The following PDXDC1 variants were observed in gnomAD, a reference collection of about 807,000 sequenced individuals.
The protein encoded by PDXDC1 is pyridoxal dependent decarboxylase domain containing 1, also known as pyridoxal-dependent decarboxylase domain-containing protein 1.
A neutral mutation model predicts 100.1 loss-of-function variants in PDXDC1; 42 were observed. The observed-to-expected ratio is 0.42, with a 90% CI of 0.33 to 0.54. The LOEUF (loss-of-function observed/expected upper bound fraction) is 0.54, where lower values mean the gene tolerates loss of function less well. Ranked by LOEUF, PDXDC1 falls within the 20% of genes least tolerant of loss-of-function variation. PDXDC1 has a pLI of 0.10. For synonymous variants in PDXDC1, 260 were observed against 371.7 expected (o/e 0.70, Z 3.46); for missense variants, 636 against 979.2 (o/e 0.65, Z 4.68).
At chr16:14,975,327 A>C in intron 1 of PDXDC1, 107 bp downstream of exon 1, 1 of 1,350,354 alleles carries the variant, frequency 7.4e-7, no homozygotes, top group Non-Finnish European at 9.4e-7. Context: ...GGACAGGGGG[A>C]CGCGGGCTGA....
chr16:15,049,841 G>A (rs780948592), intron 16 of PDXDC1, among the ~76,000 whole-genome samples: 16 of 152,018 alleles, frequency 1.1e-4, no homozygotes, highest in African/African-American at 1.7e-4. Context: ...GAAAACTATG[G>A]GAAAAAGAGT....
chr16:15,078,708 C>T (rs2045566256), intron 16 of PDXDC1, among the ~76,000 whole-genome samples: 2 of 152,004 alleles, frequency 1.3e-5, no homozygotes, highest in Non-Finnish European at 2.9e-5. Context: ...TCCCCATCTG[C>T]AGCCACGACT....
At chr16:15,077,297 C>T (rs1315960790) in intron 16 of PDXDC1, among the ~76,000 whole-genome samples, 9 of 152,088 alleles carry the variant, frequency 5.9e-5, no homozygotes, top group Admixed American at 2.6e-4. Flanking sequence ...CATCTTGAAT[C>T]GTACTCCTCC....
chr16:15,095,861 G>GGTGTGT (rs113527217), intron 16 of PDXDC1, among the ~76,000 whole-genome samples: 3,745 of 134,322 alleles, frequency 0.028, 52 homozygotes, highest in Non-Finnish European at 0.035. Context: ...AAAAAAAAAA[G>GGTGTGT]GTGTGTGTGT....
At chr16:15,029,358 T>C in intron 15 of PDXDC1, 2 of 503,998 alleles carry the variant, frequency 4.0e-6, no homozygotes, top group Non-Finnish European at 6.9e-6. Context: ...TTTTGGGCAC[T>C]GAATAGCAGC....
intron 16 of PDXDC1, among the ~76,000 whole-genome samples, chr16:15,122,997 A>G (rs981670600): frequency 1.3e-5 from 2 of 150,944 alleles, no homozygotes; most frequent in African/African-American, 4.9e-5. Context: ...AGGTTTAGCT[A>G]CAGGTCACGG....
rs149228670 is a variant in PDXDC1 at position 15,128,078 on chromosome 16, T to C, written c.1400-10801T>C. 9,462 of 1,605,342 alleles carry C rather than the reference T, an allele frequency of 5.9e-3. 56 individuals are homozygous for C. Among genetic ancestry groups the C allele is most frequent in the South Asian group, 0.012 (1,132 of 90,842 alleles). Reference sequence around the variant, plus strand: ...GTCATTGACCAGGAAGAAGGTGCTGTGTGCCGTCTGCAGGTCCCTGATGAT... The same window carrying C: ...GTCATTGACCAGGAAGAAGGTGCTGCGTGCCGTCTGCAGGTCCCTGATGAT... On this transcript the variant is annotated intron_variant, in intron 16 of 16. Transcript: ENST00000535621.
rs867625351 is a variant in PDXDC1 at position 15,065,149 on chromosome 16, G to C, written c.1399+35093G>C. 3.6e-5 allele frequency: 54 copies of C among 1,479,586 alleles called. No individual in the cohort carries two copies. The Middle Eastern group carries it at 7.1e-4, about 20-fold the overall frequency. The allele number at this position is 1,479,586 out of a possible 1,614,324, so 91.7% of individuals were successfully genotyped here. A position where few individuals can be genotyped will look rare whatever the true frequency, so the allele number is the denominator to read the frequency against. On this transcript the variant is annotated intron_variant, in intron 16 of 16. Transcript: ENST00000535621. ...CCACCGCACTCCAGCCTGGGCGACA[G>C]AGTGAGACTCCGTCTCAAAAAAAAA... is the stretch of plus-strand genomic sequence containing the variant.
chr16:14,985,792 C>T (rs1422683949), intron 1 of PDXDC1, among the ~76,000 whole-genome samples: 2 of 152,278 alleles, frequency 1.3e-5, no homozygotes, highest in Non-Finnish European at 2.9e-5. Context: ...TGATAAAAAT[C>T]GCCTAGCATA....
At chr16:15,004,891 T>C (rs1391573542) in intron 5 of PDXDC1, among the ~76,000 whole-genome samples, 1 of 152,288 alleles carries the variant, frequency 6.6e-6, no homozygotes, top group African/African-American at 2.4e-5. Context: ...CACTGTATTG[T>C]TTAGGGAATA....
intron 1 of PDXDC1, among the ~76,000 whole-genome samples, chr16:14,993,124 TAA>T (rs1227895467): frequency 6.6e-6 from 1 of 152,180 alleles, no homozygotes; most frequent in Non-Finnish European, 1.5e-5. Flanking sequence ...AATGACACTT[TAA>T]AAAAAAATTT....
intron 1 of PDXDC1, among the ~76,000 whole-genome samples, chr16:14,981,523 C>T (rs1179454943): frequency 6.6e-6 from 1 of 152,292 alleles, no homozygotes; most frequent in Non-Finnish European, 1.5e-5. Context: ...GGTGTGATTC[C>T]AGGTAAACAG....
chr16:15,066,982 G>C (rs1238851769), intron 16 of PDXDC1, among the ~76,000 whole-genome samples: 1 of 151,240 alleles, frequency 6.6e-6, no homozygotes, highest in African/African-American at 2.4e-5. Flanking sequence ...GAACATACCA[G>C]GGGCAGCGGC....
chr16:15,143,778 G>A (rs1052213928), downstream of PDXDC1, among the ~76,000 whole-genome samples: 12 of 152,224 alleles, frequency 7.9e-5, no homozygotes, highest in Admixed American at 5.2e-4. Flanking sequence ...AGACAAACCA[G>A]ACCTGCCTCA....
At position 15,137,344 on chromosome 16, in the gene PDXDC1, G is replaced by T. The variant is rs920385892; in HGVS notation, c.1400-1535G>T. ...GGCCGGAGCAGAGGGACAGGCAGGC[G>T]AAGGAGGCACTAGAGGGCTGGGCCG... On this transcript the variant is annotated intron_variant, in intron 16 of 16. Coordinates refer to the PDXDC1 transcript ENST00000535621. 4 of 1,493,322 alleles carry T rather than the reference G, an allele frequency of 2.7e-6. No homozygotes were observed. The East Asian group carries it at 7.4e-5, about 28-fold the overall frequency. The allele number at this position is 1,493,322 out of a possible 1,614,324, so 92.5% of individuals were successfully genotyped here. A position where few individuals can be genotyped will look rare whatever the true frequency, so the allele number is the denominator to read the frequency against.
the PDXDC1 span, among the ~76,000 whole-genome samples, chr16:15,148,046 T>C: frequency 1.3e-5 from 2 of 151,608 alleles, no homozygotes; most frequent in African/African-American, 4.9e-5. Context: ...TGGAGTGCAG[T>C]GGCACCATCA....
At chr16:15,044,296 T>C (rs1252826428) in intron 16 of PDXDC1, 1 of 1,418,828 alleles carries the variant, frequency 7.0e-7, no homozygotes, top group East Asian at 2.3e-5. Context: ...TACATATTTA[T>C]GTCCAATTTG....
At chr16:15,111,124 TCACACACACACACA>T (rs200365846) in intron 16 of PDXDC1, among the ~76,000 whole-genome samples, 7 of 139,128 alleles carry the variant, frequency 5.0e-5, no homozygotes, top group East Asian at 2.1e-4. Flanking sequence ...TGAGACTCTG[TCACACACACACACA>T]CACACACACA....
chr16:15,077,947 A>T (rs1399751135), intron 16 of PDXDC1, among the ~76,000 whole-genome samples: 1 of 152,258 alleles, frequency 6.6e-6, no homozygotes, highest in East Asian at 1.9e-4. Flanking sequence ...ACTCACAGAC[A>T]CATTGTGTAA....
Sources: gnomAD v4.1 joint callset for allele counts (sites outside exome capture counted in the v4.1 genomes callset) on GRCh38, gnomAD v4.1.1 for gene constraint, MANE v1.5 for transcripts, NCBI Gene and HGNC (gene_info 2026-07-23, HGNC 2026-07-21) for gene names.